The following TMEM214 variants were observed in gnomAD, a reference collection of about 807,000 sequenced individuals.
TMEM214 encodes transmembrane protein 214.
Under a neutral mutation model 89.8 loss-of-function variants are expected in TMEM214, and 71 were observed. The ratio of observed to expected loss-of-function variants is 0.79; its 90% CI spans 0.65 to 0.96. The LOEUF (loss-of-function observed/expected upper bound fraction) is 0.96. TMEM214 is among the 40% of genes least tolerant of loss of function. The pLI, the probability that TMEM214 is intolerant of heterozygous loss-of-function variation, is 0.00. For synonymous variants in TMEM214, 332 were observed against 349.5 expected, an observed-to-expected ratio of 0.95 and a Z score of 0.56; for missense variants, 754 against 843.4, an observed-to-expected ratio of 0.89 and a Z score of 1.31.
At chr2:27,040,291 G>A (rs886116741) in intron 15 of TMEM214, 54 bp from the exon 16 acceptor site, 16 of 1,610,280 alleles carry the variant, frequency 9.9e-6, no homozygotes, top group Middle Eastern at 1.6e-4. Flanking sequence ...GAGTCTTTAG[G>A]GCCAGGATGC....
At position 27,035,189 on chromosome 2, in the gene TMEM214, G is replaced by T; in HGVS notation, c.406G>T (p.Gly136Ter). The change falls in exon 3 of 17, where the codon GGA becomes TGA. Residue 136 changes from glycine to a stop codon, truncating the protein, a stop_gained. Transcript: ENST00000238788. LOFTEE classifies it high-confidence loss of function. The part of the protein sequence containing the change: ...ELDKSQSVFS[G>*]NPSIWLKDLA... ...GGACAAGAGCCAGAGTGTGTTCTCTGGAAACCCATCCATATGGTTGAAGGA... is the reference window on the plus strand; with the variant it reads ...GGACAAGAGCCAGAGTGTGTTCTCTTGAAACCCATCCATATGGTTGAAGGA... 6.2e-7 allele frequency: 1 copy of T among 1,614,096 alleles called. No individual in the cohort carries two copies. Among genetic ancestry groups the T allele is most frequent in the Non-Finnish European group, 8.5e-7 (1 of 1,180,036 alleles).
intron 13 of TMEM214, 152 bp downstream of exon 13, chr2:27,039,316 A>G: frequency 1.6e-6 from 1 of 644,392 alleles, no homozygotes; most frequent in Non-Finnish European, 2.7e-6. Context: ...TTTTTTGTCC[A>G]CAGATATGAC....
At chr2:27,039,313 T>C (rs1020914992) in intron 13 of TMEM214, 149 bp downstream of exon 13, 2 of 664,072 alleles carry the variant, frequency 3.0e-6, no homozygotes, top group Non-Finnish European at 5.2e-6. Context: ...GATTTTTTTG[T>C]CCACAGATAT....
chr2:27,037,793 C>G, intron 9 of TMEM214, 91 bp downstream of exon 9: 1 of 1,612,068 alleles, frequency 6.2e-7, no homozygotes, highest in Non-Finnish European at 8.5e-7. Context: ...TTCACAGAGC[C>G]CATTCTGAGG....
chr2:27,040,037 G>A lies in TMEM214; in HGVS notation c.1630G>A (p.Gly544Arg). ...CACTTCCATCTTCCACAGCTGGCTG[G>A]GGGAGACACTGCCGCTCTGGGGCTC... is the stretch of plus-strand genomic sequence containing the variant. ...SYSLQGYSWL[G>R]ETLPLWGSHL... Residue 544 changes from glycine (G) to arginine (R), a missense_variant, in exon 15 of 17, where the codon GGG becomes AGG. Gly to Arg is a moderately radical substitution (Grantham distance 125). Coordinates refer to ENST00000238788, the MANE Select transcript of TMEM214 (RefSeq NM_017727.5). 4 of 1,604,820 alleles carry A rather than the reference G, an allele frequency of 2.5e-6. No homozygotes were observed. The highest frequency in any genetic ancestry group is 3.4e-6 in the Non-Finnish European group (4 of 1,179,022).
chr2:27,033,030 G>A lies in TMEM214; in HGVS notation c.15G>A (p.Thr5=), dbSNP rs375080415. The A allele has an allele frequency of 5.2e-5, 65 of 1,247,132 alleles. No homozygotes were observed. In the African/African-American group the frequency reaches 8.4e-4, roughly 16 times the overall value. 77.3% of individuals were successfully genotyped at this position (1,247,132 alleles called of 1,614,324 possible). A position where few individuals can be genotyped will look rare whatever the true frequency, so the allele number is the denominator to read the frequency against. ...GGCTGCGAGCCATGGCGACCAAGAC[G>A]GCGGGCGTGGGGCGGTGGGAGGTAG... MATK[T]AGVGRWEVVK... is the part of the protein sequence containing the mutation. The change falls in exon 1 of 17, where the codon ACG becomes ACA. Residue 5 remains threonine, a synonymous_variant. Transcript: ENST00000238788.
chr2:27,038,221 C>T lies in TMEM214; in HGVS notation c.1228C>T (p.His410Tyr), dbSNP rs1343153492. 1 of 1,613,954 alleles carries T rather than the reference C, an allele frequency of 6.2e-7. No individual in the cohort carries two copies. The highest frequency in any genetic ancestry group is 1.7e-5 in the Admixed American group (1 of 60,006). The change falls in exon 10 of 17, where the codon CAC (histidine) becomes TAC (tyrosine). Residue 410 changes from histidine (H) to tyrosine (Y), a missense_variant. Physicochemically the swap from His to Tyr is moderately conservative, Grantham distance 83. Transcript: ENST00000238788. This position sits in a 1 kb window ranked among gnomAD's most constrained non-coding sequence, Gnocchi z 4.4. Reference sequence around the variant, plus strand: ...CGTCTGGAGGCAGCTGTACCCTAAGCACCTGTCACAGTCCAGGCAGGTGGG... The same window carrying T: ...CGTCTGGAGGCAGCTGTACCCTAAGTACCTGTCACAGTCCAGGCAGGTGGG... ...ASVWRQLYPK[H>Y]LSQSSLLLEH...
chr2:27,035,584 T>C lies in TMEM214; in HGVS notation c.503-10T>C, dbSNP rs2148241274. 2 of 1,614,144 alleles carry C rather than the reference T, an allele frequency of 1.2e-6. No individual in the cohort carries two copies. Among genetic ancestry groups the C allele is most frequent in the Non-Finnish European group, 8.5e-7 (1 of 1,180,032 alleles). On this transcript the variant is annotated splice_polypyrimidine_tract_variant and intron_variant, in intron 3 of 16. Transcript: ENST00000238788. ...GTCCTAGCACTCACATTGAGGCCTA[T>C]GGGCCTTAGATTATCCCTACAGCCT...
rs1310061469 is a variant in TMEM214, at chr2:27,035,115, T to G, written c.352-20T>G. Reference sequence around the variant, plus strand: ...CTCACAACTCGCCATGGTGGGGGGTTGGGGGATTGTCCCTGGCAGCTGGAT... The same window carrying G: ...CTCACAACTCGCCATGGTGGGGGGTGGGGGGATTGTCCCTGGCAGCTGGAT... On this transcript the variant is annotated intron_variant, in intron 2 of 16. Coordinates refer to ENST00000238788, the MANE Select transcript of TMEM214 (RefSeq NM_017727.5). 1.2e-6 allele frequency: 2 copies of G among 1,612,908 alleles called. No individual in the cohort carries two copies. Among genetic ancestry groups the G allele is most frequent in the African/African-American group, 1.3e-5 (1 of 74,988 alleles).
rs750256021 is a variant in TMEM214, at chr2:27,041,019, C to T, written c.*182C>T. The T allele has an allele frequency of 3.0e-6, 2 of 674,266 alleles. No homozygotes were observed. Among genetic ancestry groups the T allele is most frequent in the Non-Finnish European group, 4.9e-6 (2 of 406,748 alleles). The allele number at this position is 674,266 out of a possible 1,614,324, so 41.8% of individuals were successfully genotyped here. Reference sequence around the variant, plus strand: ...TGGTGGGGACAGGGCCCAGCAGCATCTCAGCCTCCTACCCACAATTCCACT... The same window carrying T: ...TGGTGGGGACAGGGCCCAGCAGCATTTCAGCCTCCTACCCACAATTCCACT... On this transcript the variant is annotated 3_prime_UTR_variant, in exon 17 of 17. Coordinates refer to ENST00000238788, the MANE Select transcript of TMEM214 (RefSeq NM_017727.5).
rs1209120307 is a variant in TMEM214 at position 27,041,177 on chromosome 2, C to G, written c.*340C>G. On this transcript the variant is annotated 3_prime_UTR_variant, in exon 17 of 17. Transcript: ENST00000238788. ...TTTCTAAACCCCAAACAGCTCATCT[C>G]TAAAAAGATAGAACTCCCAGCAGGT... The G allele has an allele frequency of 1.7e-5, 4 of 239,924 alleles. No individual in the cohort carries two copies. Among genetic ancestry groups the G allele is most frequent in the Non-Finnish European group, 2.5e-5 (3 of 120,522 alleles). The allele number at this position is 239,924 out of a possible 1,614,324, so 14.9% of individuals were successfully genotyped here.
chr2:27,038,984 G>T lies in TMEM214; in HGVS notation c.1408-63G>T. 3 of 1,565,206 alleles carry T rather than the reference G, an allele frequency of 1.9e-6. No individual in the cohort carries two copies. Among genetic ancestry groups the T allele is most frequent in the Non-Finnish European group, 2.6e-6 (3 of 1,139,694 alleles). ...TTCGGGAAGGCCTGGCTTGAGGTCT[G>T]CCCTCAGAGGCAAAGACCAGCCCCT... On this transcript the variant is annotated intron_variant, in intron 12 of 16. Transcript: ENST00000238788. This position sits in a 1 kb window ranked among gnomAD's most constrained non-coding sequence, Gnocchi z 4.4.
intron 4 of TMEM214, 26 bp from the exon 5 acceptor site, chr2:27,035,944 A>C: frequency 6.2e-7 from 1 of 1,611,488 alleles, no homozygotes; most frequent in Non-Finnish European, 8.5e-7. Context: ...TAATGTGAGT[A>C]GGTGTGAGAA....
intron 1 of TMEM214, among the ~76,000 whole-genome samples, chr2:27,033,820 C>T (rs1469357961): frequency 6.6e-6 from 1 of 152,064 alleles, no homozygotes; most frequent in Non-Finnish European, 1.5e-5. Context: ...TTCCTACATA[C>T]TCTGATTTGT....
In TMEM214 at chr2:27,037,805, T is replaced by G. The variant is rs746103109; in HGVS notation, c.1152+103T>G. 2.5e-6 allele frequency: 4 copies of G among 1,608,732 alleles called. No individual in the cohort carries two copies. In the Admixed American group the frequency reaches 6.8e-5, roughly 27 times the overall value. On this transcript the variant is annotated intron_variant, in intron 9 of 16. Transcript: ENST00000238788. The stretch of plus-strand genomic sequence containing the variant: ...GCCTTCACAGAGCCCATTCTGAGGC[T>G]TTTCCTTAGCTCCCTGTTGACAGCT...
intron 1 of TMEM214, among the ~76,000 whole-genome samples, chr2:27,033,621 C>T (rs1224052416): frequency 6.6e-6 from 1 of 152,108 alleles, no homozygotes; most frequent in African/African-American, 2.4e-5. Context: ...TCAACACTCA[C>T]CAGGAATTAT....
Position 27,036,781 on chromosome 2 carries a change from G to A in TMEM214, c.903G>A (p.Leu301=), listed in dbSNP as rs773304188. The A allele has an allele frequency of 1.9e-6, 3 of 1,614,078 alleles. No individual in the cohort carries two copies. In the Admixed American group the frequency reaches 5.0e-5, roughly 27 times the overall value. ...SPFAITYLDR[L]LLMHPNLTKG... is the part of the protein sequence containing the mutation. ...TTGCCATCACATACCTGGATCGGCT[G>A]CTCCTGTGAGTAATGGGAGGGCAGC... The change falls in exon 7 of 17, where the codon CTG becomes CTA. Residue 301 remains leucine (L), a synonymous_variant. Coordinates refer to ENST00000238788, the MANE Select transcript of TMEM214 (RefSeq NM_017727.5).
Position 27,040,965 on chromosome 2 carries a change from A to G in TMEM214, c.*128A>G, listed in dbSNP as rs1461990882. 2 of 1,192,270 alleles carry G rather than the reference A, an allele frequency of 1.7e-6. No homozygotes were observed. The highest frequency in any genetic ancestry group is 2.3e-6 in the Non-Finnish European group (2 of 851,458). The allele number at this position is 1,192,270 out of a possible 1,614,324, so 73.9% of individuals were successfully genotyped here. On this transcript the variant is annotated 3_prime_UTR_variant, in exon 17 of 17. Transcript: ENST00000238788. The stretch of plus-strand genomic sequence containing the variant: ...TGAGTTCTCTCCTAGGCAAGTGGCC[A>G]GTTGCCTCCACCTCAGTTCTTCCAT...
Position 27,040,842 on chromosome 2 carries a change from T to G in TMEM214, c.*5T>G, listed in dbSNP as rs761336413. ...GCCCTGATATCCCAGCAGTAGGCCCTGCCTTCCTGGCCACTGATTTCTGCA... is the reference window on the plus strand; with the variant it reads ...GCCCTGATATCCCAGCAGTAGGCCCGGCCTTCCTGGCCACTGATTTCTGCA... On this transcript the variant is annotated 3_prime_UTR_variant, in exon 17 of 17. Coordinates refer to ENST00000238788, the MANE Select transcript of TMEM214 (RefSeq NM_017727.5). The G allele has an allele frequency of 6.2e-7, 1 of 1,612,022 alleles. No individual in the cohort carries two copies. Among genetic ancestry groups the G allele is most frequent in the South Asian group, 1.1e-5 (1 of 91,050 alleles).
Sources: gnomAD v4.1 joint callset for allele counts (sites outside exome capture counted in the v4.1 genomes callset) on GRCh38, gnomAD v4.1.1 for gene constraint, Gnocchi (gnomAD v3.1) non-coding constraint, MANE v1.5 for transcripts, NCBI Gene and HGNC (gene_info 2026-07-23, HGNC 2026-07-21) for gene names.